Variants in RBM26 observed in about 807,000 individuals in gnomAD.
RBM26 encodes RNA-binding protein 26.
Under a neutral mutation model 123.6 loss-of-function variants are expected in RBM26, and 30 were observed. The ratio of observed to expected loss-of-function variants is 0.24; its 90% CI spans 0.18 to 0.33. The LOEUF (loss-of-function observed/expected upper bound fraction) is 0.33, where lower values mean the gene tolerates loss of function less well. Ranked by LOEUF, RBM26 falls within the 10% of genes least tolerant of loss-of-function variation. The probability of loss-of-function intolerance (pLI) is 1.00; values close to 1 mark genes in which losing one functional copy is unlikely to be tolerated. For missense variants in RBM26, 947 were observed against 1,203.6 expected (o/e 0.79, Z 3.15); for synonymous variants, 400 against 404.4 (o/e 0.99, Z 0.13).
intron 11 of RBM26, 135 bp from the exon 12 acceptor site, chr13:79,355,519 T>C (rs182754734): frequency 4.7e-6 from 3 of 639,434 alleles, no homozygotes; most frequent in Non-Finnish European, 8.0e-6. Context: ...TCTGGATTAG[T>C]AGACCACAGT....
At chr13:79,363,853 AG>A (rs1050939874) in intron 9 of RBM26, among the ~76,000 whole-genome samples, 10 of 152,196 alleles carry the variant, frequency 6.6e-5, no homozygotes, top group African/African-American at 2.2e-4. Context: ...CAAGGTAGAA[AG>A]AAATGACTTT....
intron 3 of RBM26, among the ~76,000 whole-genome samples, chr13:79,373,430 AATATATATTATATAT>A (rs2076261682): frequency 4.7e-4 from 1 of 2,142 alleles, no homozygotes; most frequent in Non-Finnish European, 9.2e-4. Flanking sequence ...ATAAAATATA[AATATATATTATATAT>A]TATATATAAA....
At chr13:79,389,120 T>C (rs981288471) in intron 1 of RBM26, among the ~76,000 whole-genome samples, 4 of 152,176 alleles carry the variant, frequency 2.6e-5, no homozygotes, top group Admixed American at 6.6e-5. Flanking sequence ...AGCAGAGATA[T>C]ACAGAACTCA....
At chr13:79,370,404 C>T (rs576511241) in intron 5 of RBM26, among the ~76,000 whole-genome samples, 11 of 152,236 alleles carry the variant, frequency 7.2e-5, no homozygotes, top group African/African-American at 2.2e-4. Flanking sequence ...GAGATTCATC[C>T]ATTTTGTTGC....
intron 20 of RBM26, among the ~76,000 whole-genome samples, chr13:79,327,527 A>C (rs1201309849): frequency 3.3e-5 from 5 of 150,594 alleles, no homozygotes; most frequent in Admixed American, 6.6e-5. Flanking sequence ...GAGAGGTAAA[A>C]CTATGTTTAA....
chr13:79,402,562 G>C (rs2079142207), intron 1 of RBM26, among the ~76,000 whole-genome samples: 2 of 151,770 alleles, frequency 1.3e-5, no homozygotes, highest in South Asian at 2.1e-4. Flanking sequence ...GTGTGATCTG[G>C]CTCCTATCTC....
intron 20 of RBM26, among the ~76,000 whole-genome samples, chr13:79,326,616 CA>C (rs1392654751): frequency 6.6e-6 from 1 of 152,064 alleles, no homozygotes; most frequent in African/African-American, 2.4e-5. Context: ...ATCATTTCTA[CA>C]AAACAGCCTG....
chr13:79,380,897 T>C (rs1202177131), intron 1 of RBM26, among the ~76,000 whole-genome samples: 2 of 152,138 alleles, frequency 1.3e-5, no homozygotes, highest in Admixed American at 6.5e-5. Flanking sequence ...GCCTGGTTTA[T>C]TTCAATTAAC....
rs1214694512 is a variant in RBM26, at chr13:79,319,487, T to C, written c.*1134A>G. 6 of 984,292 alleles carry C rather than the reference T, an allele frequency of 6.1e-6. No individual in the cohort carries two copies. The highest frequency in any genetic ancestry group is 7.2e-6 in the Non-Finnish European group (6 of 829,204). 61.0% of individuals were successfully genotyped at this position (984,292 alleles called of 1,614,324 possible). A position where few individuals can be genotyped will look rare whatever the true frequency, so the allele number is the denominator to read the frequency against. On this transcript the variant is annotated 3_prime_UTR_variant, in exon 22 of 22. Coordinates refer to ENST00000438737, the MANE Select transcript of RBM26 (RefSeq NM_001366735.2). ...TTGTTGCAAACATCAAAGATTTTTATACAAGTATAGGAAGTACACACTTAA... is the reference window on the plus strand; with the variant it reads ...TTGTTGCAAACATCAAAGATTTTTACACAAGTATAGGAAGTACACACTTAA...
At chr13:79,367,626 C>A (rs992762657) in intron 6 of RBM26, among the ~76,000 whole-genome samples, 2 of 151,852 alleles carry the variant, frequency 1.3e-5, no homozygotes, top group African/African-American at 4.8e-5. Context: ...CCACCACCAA[C>A]CCCACTCTTG....
At chr13:79,366,230 A>G (rs2075256723) in intron 7 of RBM26, 35 bp from the exon 8 acceptor site, 5 of 1,596,610 alleles carry the variant, frequency 3.1e-6, no homozygotes, top group Non-Finnish European at 4.3e-6. Context: ...TATCATCTGA[A>G]AGCAAACAAA....
chr13:79,343,141 G>T (rs1174420910), intron 16 of RBM26, among the ~76,000 whole-genome samples: 1 of 151,734 alleles, frequency 6.6e-6, no homozygotes, highest in African/African-American at 2.4e-5. Context: ...TTATCAATTT[G>T]AAAAATATAT....
rs1047736996 is a variant in RBM26, at chr13:79,354,687, A to G, written c.1855-117T>C. ...AGAAAGTTTTTAAAATGCAGCTTATAGTCAAAACCTAACTGCCTTCTAATT... is the reference window on the plus strand; with the variant it reads ...AGAAAGTTTTTAAAATGCAGCTTATGGTCAAAACCTAACTGCCTTCTAATT... On this transcript the variant is annotated intron_variant, in intron 12 of 21. Transcript: ENST00000438737. 9.3e-6 allele frequency: 8 copies of G among 859,980 alleles called. No homozygotes were observed. The East Asian group carries it at 2.0e-4, about 22-fold the overall frequency. The allele number at this position is 859,980 out of a possible 1,614,324, so 53.3% of individuals were successfully genotyped here. A position where few individuals can be genotyped will look rare whatever the true frequency, so the allele number is the denominator to read the frequency against.
chr13:79,399,745 G>A (rs1566609359), intron 1 of RBM26, among the ~76,000 whole-genome samples: 1 of 152,108 alleles, frequency 6.6e-6, no homozygotes, highest in Non-Finnish European at 1.5e-5. Flanking sequence ...TACGGAGTGT[G>A]AGCCCCCTAC....
intron 19 of RBM26, among the ~76,000 whole-genome samples, chr13:79,335,153 A>C (rs898353810): frequency 6.6e-6 from 1 of 151,984 alleles, no homozygotes; most frequent in Non-Finnish European, 1.5e-5. Flanking sequence ...CCCCCCCAAA[A>C]ATTATAACTG....
chr13:79,355,088 C>G (rs999351107), intron 12 of RBM26, 132 bp downstream of exon 12: 3 of 758,714 alleles, frequency 4.0e-6, no homozygotes, highest in Non-Finnish European at 6.5e-6. Flanking sequence ...CAAGTCTTTA[C>G]AGGTAACAGA....
At chr13:79,317,136 G>A (rs2067223774), downstream of RBM26, among the ~76,000 whole-genome samples, 1 of 151,738 alleles carries the variant, frequency 6.6e-6, no homozygotes, top group Non-Finnish European at 1.5e-5. Flanking sequence ...AAAAGGAAGT[G>A]CTGGTGAATA....
chr13:79,333,579 C>G (rs1463848703), intron 20 of RBM26, among the ~76,000 whole-genome samples: 1 of 152,216 alleles, frequency 6.6e-6, no homozygotes, highest in East Asian at 1.9e-4. Flanking sequence ...AAAACTATTT[C>G]ATCCCTGGAA....
intron 19 of RBM26, among the ~76,000 whole-genome samples, chr13:79,335,825 A>T (rs1395036363): frequency 2.0e-5 from 3 of 152,134 alleles, no homozygotes. Context: ...ATTAGCTGTA[A>T]AACTATACAC....
Sources: allele counts gnomAD v4.1 joint callset (sites outside exome capture counted in the v4.1 genomes callset), GRCh38; gene constraint gnomAD v4.1.1; transcripts MANE v1.5; gene names NCBI Gene and HGNC (gene_info 2026-07-23, HGNC 2026-07-21).